Variants in ESRRG observed in about 807,000 individuals in gnomAD.
ESRRG encodes estrogen-related receptor gamma.
In ESRRG, 13 loss-of-function variants were observed where a neutral mutation model predicts 44.0. That is an observed-to-expected ratio of 0.30 (90% CI 0.19 to 0.47). The LOEUF is 0.47. Among genes scored for constraint, ESRRG ranks in the 20% least tolerant of loss-of-function variants. The probability of loss-of-function intolerance (pLI) is 1.00; values close to 1 mark genes in which losing one functional copy is unlikely to be tolerated. For missense variants in ESRRG, 395 were observed against 580.6 expected, an observed-to-expected ratio of 0.68 and a Z score of 3.29; for synonymous variants, 215 against 214.6, an observed-to-expected ratio of 1.00 and a Z score of -0.02.
intron 2 of ESRRG, among the ~76,000 whole-genome samples, chr1:216,923,602 A>T (rs938533946): frequency 6.6e-6 from 1 of 150,968 alleles, no homozygotes; most frequent in Non-Finnish European, 1.5e-5. Flanking sequence ...GGCAGATCCG[A>T]GCAGAGGATC....
chr1:216,894,378 T>G (rs2058170132), intron 2 of ESRRG, among the ~76,000 whole-genome samples: 1 of 152,200 alleles, frequency 6.6e-6, no homozygotes, highest in Non-Finnish European at 1.5e-5. Context: ...CTGCAAATAT[T>G]CTGAAAGAGT....
chr1:216,826,850 G>A (rs927647378), intron 2 of ESRRG, among the ~76,000 whole-genome samples: 1 of 152,092 alleles, frequency 6.6e-6, no homozygotes, highest in Non-Finnish European at 1.5e-5. Context: ...TACACACTTT[G>A]GTTATAGAAG....
chr1:216,808,813 G>A (rs2094879066), intron 2 of ESRRG, among the ~76,000 whole-genome samples: 1 of 152,112 alleles, frequency 6.6e-6, no homozygotes, highest in African/African-American at 2.4e-5. Flanking sequence ...TTTGCTCCCA[G>A]CTCAGGTCCC....
At chr1:216,965,695 G>T (rs918349490) in intron 1 of ESRRG, among the ~76,000 whole-genome samples, 1 of 152,154 alleles carries the variant, frequency 6.6e-6, no homozygotes, top group Admixed American at 6.5e-5. Flanking sequence ...ATATTAAAGG[G>T]ATATGAATGT....
chr1:216,866,448 T>C (rs2096161068), intron 2 of ESRRG, among the ~76,000 whole-genome samples: 1 of 152,216 alleles, frequency 6.6e-6, no homozygotes, highest in East Asian at 1.9e-4. Flanking sequence ...TACATTAGTT[T>C]CTACGGAAGA....
chr1:216,918,394 C>T (rs1328166606), intron 2 of ESRRG, among the ~76,000 whole-genome samples: 1 of 152,114 alleles, frequency 6.6e-6, no homozygotes, highest in African/African-American at 2.4e-5. Flanking sequence ...TGCCTCAACT[C>T]TATAAACTGG....
intron 1 of ESRRG, among the ~76,000 whole-genome samples, chr1:217,131,748 T>C (rs1375447647): frequency 6.6e-6 from 1 of 152,200 alleles, no homozygotes; most frequent in African/African-American, 2.4e-5. Flanking sequence ...ATTTCTTCAC[T>C]TAAGGGGAAA....
chr1:216,703,399 G>A (rs922822658), intron 1 of ESRRG, among the ~76,000 whole-genome samples: 2 of 152,076 alleles, frequency 1.3e-5, no homozygotes, highest in African/African-American at 4.8e-5. Context: ...CCATATGTTG[G>A]AAAAGCTTGA....
At chr1:216,823,166 T>G (rs991276782) in intron 2 of ESRRG, among the ~76,000 whole-genome samples, 5 of 151,960 alleles carry the variant, frequency 3.3e-5, no homozygotes, top group African/African-American at 9.7e-5. Flanking sequence ...TCTGAAAGAA[T>G]TTGCATGAGT....
intron 5 of ESRRG, among the ~76,000 whole-genome samples, chr1:216,546,727 A>C (rs1206110990): frequency 6.6e-6 from 1 of 151,976 alleles, no homozygotes; most frequent in Admixed American, 6.6e-5. Flanking sequence ...ACTAGTCTAC[A>C]TTAGTAATTT....
intron 1 of ESRRG, among the ~76,000 whole-genome samples, chr1:216,950,990 G>A (rs531416991): frequency 6.6e-6 from 1 of 152,212 alleles, no homozygotes; most frequent in South Asian, 2.1e-4. Context: ...CAAACACTGG[G>A]AAAATCTATG....
chr1:216,806,381 G>A (rs1181664779), intron 2 of ESRRG, among the ~76,000 whole-genome samples: 3 of 152,060 alleles, frequency 2.0e-5, no homozygotes, highest in Non-Finnish European at 2.9e-5. Context: ...CTAGAGTCAC[G>A]GTCAACAGAA....
chr1:216,851,922 T>C (rs1229582988), intron 2 of ESRRG, among the ~76,000 whole-genome samples: 1 of 148,480 alleles, frequency 6.7e-6, no homozygotes. Context: ...AATAATAAGA[T>C]ACAAAAAAAA....
intron 1 of ESRRG, among the ~76,000 whole-genome samples, chr1:216,700,564 A>G (rs1222210940): frequency 2.0e-5 from 3 of 152,124 alleles, no homozygotes; most frequent in Admixed American, 2.0e-4. Context: ...TACTACTGGT[A>G]ACAAGGTTCG....
intron 3 of ESRRG, among the ~76,000 whole-genome samples, chr1:216,568,537 A>T (rs189347592): frequency 5.9e-5 from 9 of 152,296 alleles, no homozygotes; most frequent in Admixed American, 5.9e-4. Context: ...AGGCCTCAGG[A>T]TGGACCTGTG....
rs551129072 is a variant in ESRRG at position 216,647,789 on chromosome 1, T to A, written c.589+3184A>T. Among the ~76,000 whole-genome samples, 9 of 152,302 alleles carry A rather than the reference T, an allele frequency of 5.9e-5. No homozygotes were observed. The South Asian group carries it at 1.7e-3, about 28-fold the overall frequency. ...ATCAACTACCCTTTTAATGAAAACC[T>A]CATTTCCTTCAGGCAACACTTTATC... On this transcript the variant is annotated intron_variant, in intron 3 of 6. Transcript: ENST00000408911.
chr1:216,699,283 G>A (rs1052203511), intron 1 of ESRRG, among the ~76,000 whole-genome samples: 1 of 152,154 alleles, frequency 6.6e-6, no homozygotes, highest in Non-Finnish European at 1.5e-5. Context: ...CAAGAATGCT[G>A]TAAAAGTGAG....
intron 2 of ESRRG, among the ~76,000 whole-genome samples, chr1:216,749,827 G>A (rs1168837134): frequency 2.0e-5 from 3 of 152,072 alleles, no homozygotes; most frequent in Admixed American, 6.6e-5. Context: ...TTGGCAAATA[G>A]AGGTTTATCA....
chr1:216,951,717 A>ATGTGTGTGTG (rs59233267), intron 1 of ESRRG, among the ~76,000 whole-genome samples: 51 of 143,718 alleles, frequency 3.5e-4, no homozygotes, highest in South Asian at 1.8e-3. Context: ...AACTATCACT[A>ATGTGTGTGTG]TGTGTGTGTG....
Sources: allele counts gnomAD v4.1 joint callset (sites outside exome capture counted in the v4.1 genomes callset), GRCh38; gene constraint gnomAD v4.1.1; transcripts MANE v1.5; gene names NCBI Gene and HGNC (gene_info 2026-07-23, HGNC 2026-07-21).